Variants in PITPNC1 observed in about 807,000 individuals in gnomAD.
The protein encoded by PITPNC1 is phosphatidylinositol transfer protein cytoplasmic 1, also known as cytoplasmic phosphatidylinositol transfer protein 1.
In PITPNC1, 18 loss-of-function variants were observed where a neutral mutation model predicts 44.7. The observed-to-expected ratio is 0.40, with a 90% CI of 0.28 to 0.60. The LOEUF is 0.60. PITPNC1 is among the 20% of genes least tolerant of loss of function. PITPNC1 has a pLI of 0.39. For synonymous variants in PITPNC1, 141 were observed against 149.6 expected (o/e 0.94, Z 0.42); for missense variants, 290 against 418.4 (o/e 0.69, Z 2.68).
intron 7 of PITPNC1, among the ~76,000 whole-genome samples, chr17:67,674,966 C>T (rs1164769662): frequency 2.0e-5 from 3 of 148,772 alleles, no homozygotes; most frequent in South Asian, 2.1e-4. Flanking sequence ...GAGCCAAGAT[C>T]GCGCCACTGC....
At chr17:67,512,750 T>C (rs537433713) in intron 1 of PITPNC1, among the ~76,000 whole-genome samples, 43 of 152,176 alleles carry the variant, frequency 2.8e-4, no homozygotes, top group African/African-American at 9.2e-4. Flanking sequence ...CCAATACATT[T>C]AATTTTTGAG....
intron 5 of PITPNC1, among the ~76,000 whole-genome samples, chr17:67,627,875 GTTCCC>G (rs745727062): frequency 1.3e-4 from 19 of 151,150 alleles, no homozygotes; most frequent in Non-Finnish European, 2.1e-4. Flanking sequence ...AACATTAATA[GTTCCC>G]TTCCCTAGTT....
intron 5 of PITPNC1, among the ~76,000 whole-genome samples, chr17:67,627,045 T>G (rs12452430): frequency 7.0e-6 from 1 of 142,982 alleles, no homozygotes; most frequent in Admixed American, 7.2e-5. Flanking sequence ...ACCATCTGAG[T>G]TCTAGACCAC....
At chr17:67,551,179 C>CT (rs36115016) in intron 2 of PITPNC1, among the ~76,000 whole-genome samples, 96,638 of 152,048 alleles carry the variant, frequency 0.64, 32,162 homozygotes, top group East Asian at 0.79. Context: ...GCACTGTTCT[C>CT]TAAGTTTTGC....
chr17:67,549,698 C>T (rs1197743922), intron 2 of PITPNC1, among the ~76,000 whole-genome samples: 1 of 152,068 alleles, frequency 6.6e-6, no homozygotes, highest in African/African-American at 2.4e-5. Context: ...TACTTGGGCC[C>T]CGGACTACTA....
At chr17:67,418,945 T>C (rs2038625476) in intron 1 of PITPNC1, among the ~76,000 whole-genome samples, 1 of 152,108 alleles carries the variant, frequency 6.6e-6, no homozygotes, top group Admixed American at 6.6e-5. Flanking sequence ...TGGACACTTG[T>C]GATGACTTGG....
At chr17:67,416,486 G>A (rs756533885) in intron 1 of PITPNC1, among the ~76,000 whole-genome samples, 27 of 151,930 alleles carry the variant, frequency 1.8e-4, no homozygotes, top group Admixed American at 5.2e-4. Context: ...AAAGTGCTAG[G>A]ATTATAAGCG....
chr17:67,565,946 T>C (rs1358548887), intron 4 of PITPNC1, among the ~76,000 whole-genome samples: 2 of 152,138 alleles, frequency 1.3e-5, no homozygotes, highest in African/African-American at 4.8e-5. Flanking sequence ...TGTATACTAG[T>C]TTTTCCATGT....
At chr17:67,473,352 A>G (rs1032883899) in intron 1 of PITPNC1, among the ~76,000 whole-genome samples, 4 of 149,228 alleles carry the variant, frequency 2.7e-5, no homozygotes, top group East Asian at 2.0e-4. Context: ...TTTTTGAGAC[A>G]GAGTCTCGCT....
At chr17:67,449,799 T>G (rs528260562) in intron 1 of PITPNC1, among the ~76,000 whole-genome samples, 6 of 152,346 alleles carry the variant, frequency 3.9e-5, no homozygotes, top group African/African-American at 1.2e-4. Context: ...TCTATCACAG[T>G]TAGTGTTAAA....
chr17:67,604,803 C>T (rs549251039), intron 5 of PITPNC1, among the ~76,000 whole-genome samples: 1 of 150,380 alleles, frequency 6.6e-6, no homozygotes, highest in East Asian at 2.0e-4. Flanking sequence ...TAAAATATGA[C>T]TGGGCATGGC....
At chr17:67,564,405 G>A (rs1361485479) in intron 4 of PITPNC1, among the ~76,000 whole-genome samples, 1 of 152,128 alleles carries the variant, frequency 6.6e-6, no homozygotes, top group Non-Finnish European at 1.5e-5. Flanking sequence ...AAGGACAGGA[G>A]GGGAGGAGTG....
At chr17:67,431,154 G>A (rs1598653365) in intron 1 of PITPNC1, among the ~76,000 whole-genome samples, 1 of 149,004 alleles carries the variant, frequency 6.7e-6, no homozygotes, top group East Asian at 2.0e-4. Context: ...CACCTCCCGG[G>A]TTCAAGCGAT....
chr17:67,664,798 G>A (rs1482044665), intron 6 of PITPNC1, among the ~76,000 whole-genome samples: 1 of 151,876 alleles, frequency 6.6e-6, no homozygotes, highest in Non-Finnish European at 1.5e-5. Flanking sequence ...CCAGCTACTC[G>A]GGAGTCTGAG....
At chr17:67,614,171 G>A (rs750324757) in intron 5 of PITPNC1, among the ~76,000 whole-genome samples, 1 of 151,774 alleles carries the variant, frequency 6.6e-6, no homozygotes, top group Non-Finnish European at 1.5e-5. Flanking sequence ...AACATCTGTC[G>A]CTGGCAGGGT....
chr17:67,482,049 G>A (rs140712238), intron 1 of PITPNC1, among the ~76,000 whole-genome samples: 20 of 152,274 alleles, frequency 1.3e-4, no homozygotes, highest in Admixed American at 1.1e-3. Flanking sequence ...TTAGGGTAGC[G>A]TGACCTCCCC....
intron 8 of PITPNC1, among the ~76,000 whole-genome samples, chr17:67,691,119 A>T (rs140958547): frequency 6.6e-6 from 1 of 152,004 alleles, no homozygotes; most frequent in African/African-American, 2.4e-5. Flanking sequence ...ATAAATAAAT[A>T]AATAAATAAA....
chr17:67,494,185 T>TTCTTTCTTTCTTTTTCTTTCTTTCTTTC, intron 1 of PITPNC1, among the ~76,000 whole-genome samples: 1 of 102,428 alleles, frequency 9.8e-6, no homozygotes, highest in African/African-American at 3.8e-5. Context: ...CTTTCTTTCT[T>TTCTTTCTTTCTTTTTCTTTCTTTCTTTC]TTTCTTTCTT....
chr17:67,692,578 C>A lies in PITPNC1; in HGVS notation c.689C>A (p.Thr230Lys). ...TCTGTTTTTCTCCTTGAAGACATGACAATGGATGAAGTCCGAGAATTTGAA... is the reference window on the plus strand; with the variant it reads ...TCTGTTTTTCTCCTTGAAGACATGAAAATGGATGAAGTCCGAGAATTTGAA... ...FAWVDEWYDM[T>K]MDEVREFERA... The change falls in exon 9 of 9, where the codon ACA becomes AAA. Residue 230 changes from threonine to lysine, a missense_variant. Physicochemically the swap from Thr to Lys is moderately conservative, Grantham distance 78 (BLOSUM62 -1). Coordinates refer to ENST00000581322, the MANE Select transcript of PITPNC1 (RefSeq NM_012417.4). The A allele has an allele frequency of 6.2e-7, 1 of 1,611,270 alleles. No homozygotes were observed. Among genetic ancestry groups the A allele is most frequent in the Non-Finnish European group, 8.5e-7 (1 of 1,177,604 alleles).
Sources: gnomAD v4.1 joint callset for allele counts (sites outside exome capture counted in the v4.1 genomes callset) on GRCh38, gnomAD v4.1.1 for gene constraint, MANE v1.5 for transcripts, NCBI Gene and HGNC (gene_info 2026-07-23, HGNC 2026-07-21) for gene names.